The following ZNF385D variants were observed in gnomAD, a reference collection of about 807,000 sequenced individuals.
The protein encoded by ZNF385D is zinc finger protein 385D, also known as zinc finger protein 659.
A neutral mutation model predicts 35.8 loss-of-function variants in ZNF385D; 15 were observed. The observed-to-expected ratio is 0.42, with a 90% CI of 0.28 to 0.64. ZNF385D has a LOEUF of 0.64. Among genes scored for constraint, ZNF385D ranks in the 30% least tolerant of loss-of-function variants. The pLI is 0.23. For missense variants in ZNF385D, 474 were observed against 494.6 expected (o/e 0.96, Z 0.39); for synonymous variants, 212 against 186.8 (o/e 1.13, Z -1.10).
At chr3:21,749,180 A>G (rs2069932276) in intron 1 of ZNF385D, among the ~76,000 whole-genome samples, 1 of 152,330 alleles carries the variant, frequency 6.6e-6, no homozygotes, top group South Asian at 2.1e-4. Context: ...TCGTACTATT[A>G]AAAACTTGCA....
At chr3:21,804,768 G>A (rs1010117614) in intron 3 of ZNF385D, among the ~76,000 whole-genome samples, 16 of 95,664 alleles carry the variant, frequency 1.7e-4, no homozygotes, top group Non-Finnish European at 3.3e-4. Context: ...AAATGTCAGA[G>A]AGGTTAAGTA....
Position 21,823,548 on chromosome 3 carries a change from C to G in ZNF385D, c.326-158520G>C, listed in dbSNP as rs76293683. ...TTCTCTTTTCATCAGACATTACAGC[C>G]TCTCTCTGGGGATGAAGTCAAGCGT... On this transcript the variant is annotated intron_variant, in intron 3 of 5. Transcript: ENST00000494108. 3.5e-3 allele frequency among the ~76,000 whole-genome samples: 530 copies of G among 152,282 alleles called. 3 individuals are homozygous for G. Among genetic ancestry groups the G allele is most frequent in the African/African-American group, 0.012 (495 of 41,576 alleles).
intron 3 of ZNF385D, among the ~76,000 whole-genome samples, chr3:22,066,531 C>CGTGT (rs1699968798): frequency 5.2e-5 from 2 of 38,198 alleles, no homozygotes; most frequent in Non-Finnish European, 9.5e-5. Flanking sequence ...GAGATGGTTC[C>CGTGT]CTGTGTGTGT....
chr3:21,998,893 T>C (rs1391258631), intron 3 of ZNF385D, among the ~76,000 whole-genome samples: 1 of 152,150 alleles, frequency 6.6e-6, no homozygotes, highest in Non-Finnish European at 1.5e-5. Context: ...GAAGAGTTCT[T>C]GGATTAACTA....
chr3:21,825,347 A>G (rs570084507), intron 3 of ZNF385D, among the ~76,000 whole-genome samples: 3 of 152,328 alleles, frequency 2.0e-5, no homozygotes, highest in South Asian at 4.1e-4. Context: ...ACTTGAATAC[A>G]CGGTATTTTG....
intron 3 of ZNF385D, among the ~76,000 whole-genome samples, chr3:22,145,313 C>A (rs1704782854): frequency 6.6e-6 from 1 of 152,186 alleles, no homozygotes; most frequent in South Asian, 2.1e-4. Context: ...ATTTGTGAAT[C>A]TGATGTTGAA....
chr3:21,739,047 C>A (rs993929076), intron 1 of ZNF385D, among the ~76,000 whole-genome samples: 39 of 152,196 alleles, frequency 2.6e-4, no homozygotes, highest in African/African-American at 9.4e-4. Context: ...ATCTAGCCGA[C>A]TAAATGCTCT....
chr3:21,518,740 C>G (rs1045717924), intron 3 of ZNF385D, among the ~76,000 whole-genome samples: 3 of 152,048 alleles, frequency 2.0e-5, no homozygotes, highest in Non-Finnish European at 4.4e-5. Context: ...ATTGTCTTCT[C>G]TACTGCTCTA....
chr3:21,577,098 AC>A (rs1268242958), intron 2 of ZNF385D, among the ~76,000 whole-genome samples: 1 of 152,164 alleles, frequency 6.6e-6, no homozygotes, highest in Non-Finnish European at 1.5e-5. Context: ...GAACAATAGA[AC>A]TTATTCTTCC....
chr3:21,451,249 T>G (rs17273481), intron 4 of ZNF385D, among the ~76,000 whole-genome samples: 42,004 of 151,778 alleles, frequency 0.28, 6,453 homozygotes, highest in East Asian at 0.43. Flanking sequence ...GAAGAATATA[T>G]CCTGTTAAGA....
At chr3:22,119,353 T>C (rs906870765) in intron 3 of ZNF385D, among the ~76,000 whole-genome samples, 1 of 152,208 alleles carries the variant, frequency 6.6e-6, no homozygotes, top group East Asian at 1.9e-4. Context: ...TCATATCTTC[T>C]TGTCATATAA....
intron 3 of ZNF385D, among the ~76,000 whole-genome samples, chr3:21,989,192 C>T (rs1251079977): frequency 2.0e-5 from 3 of 152,274 alleles, no homozygotes; most frequent in East Asian, 3.9e-4. Context: ...CCATCTCCCT[C>T]AATTTTTTAG....
Position 21,912,229 on chromosome 3 carries a change from C to T in ZNF385D, c.326-247201G>A, listed in dbSNP as rs550485880. On this transcript the variant is annotated intron_variant, in intron 3 of 5. Coordinates refer to the ZNF385D transcript ENST00000494108. ...AATTATTCAGCCCAGACCCTAAACT[C>T]GTTAAAATGGGAAACTAAGGCACAA... 7.2e-5 allele frequency among the ~76,000 whole-genome samples: 11 copies of T among 152,002 alleles called. No individual in the cohort carries two copies. In the South Asian group the frequency reaches 1.7e-3, roughly 23 times the overall value.
chr3:21,951,466 T>C (rs1702062353), intron 3 of ZNF385D, among the ~76,000 whole-genome samples: 1 of 151,744 alleles, frequency 6.6e-6, no homozygotes, highest in Non-Finnish European at 1.5e-5. Context: ...TCGGGTATTC[T>C]AAATAAATAT....
rs1454084389 is a variant in ZNF385D, at chr3:21,413,142, A to G, written c.*8072T>C. 1.3e-5 allele frequency: 2 copies of G among 152,100 alleles called. No individual in the cohort carries two copies. The highest frequency in any genetic ancestry group is 2.9e-5 in the Non-Finnish European group (2 of 67,990). 9.4% of individuals were successfully genotyped at this position (152,100 alleles called of 1,614,324 possible). On this transcript the variant is annotated 3_prime_UTR_variant, in exon 8 of 8. Transcript: ENST00000281523. ...CATATAGAATCATCATTCAACTATC[A>G]TAATATAAAACACAATAAAATCCTA... is the stretch of plus-strand genomic sequence containing the variant.
rs552609488 is a variant in ZNF385D, at chr3:22,348,921, C to A, written c.106+23529G>T. On this transcript the variant is annotated intron_variant, in intron 2 of 5. Transcript: ENST00000494108. ...AACTAATACAAGCATGTAGACAAAG[C>A]TAGCCATTAAATGGCATAATTACAT... Among the ~76,000 whole-genome samples the A allele has an allele frequency of 7.2e-5, 11 of 152,258 alleles. No homozygotes were observed. The South Asian group carries it at 2.3e-3, about 32-fold the overall frequency.
At chr3:21,467,426 T>A (rs1386919605) in intron 4 of ZNF385D, among the ~76,000 whole-genome samples, 1 of 152,330 alleles carries the variant, frequency 6.6e-6, no homozygotes, top group South Asian at 2.1e-4. Context: ...TACTGATGCA[T>A]GCAGATTTTA....
intron 2 of ZNF385D, among the ~76,000 whole-genome samples, chr3:22,301,785 T>C (rs2125412848): frequency 6.6e-6 from 1 of 152,186 alleles, no homozygotes; most frequent in East Asian, 1.9e-4. Flanking sequence ...AACTTGGCAT[T>C]ATATAGAAAT....
At chr3:22,044,580 G>C (rs1351542195) in intron 3 of ZNF385D, among the ~76,000 whole-genome samples, 1 of 152,138 alleles carries the variant, frequency 6.6e-6, no homozygotes, top group Non-Finnish European at 1.5e-5. Context: ...GGAGAAGGGA[G>C]AATTTTATTA....
Sources: allele counts gnomAD v4.1 joint callset (sites outside exome capture counted in the v4.1 genomes callset), GRCh38; gene constraint gnomAD v4.1.1; transcripts MANE v1.5; gene names NCBI Gene and HGNC (gene_info 2026-07-23, HGNC 2026-07-21).